Variants in ACSS1 observed in about 807,000 individuals in gnomAD.
The protein encoded by ACSS1 is acetyl-coenzyme A synthetase 2-like, mitochondrial.
ACSS1 carries 42 observed loss-of-function variants against 75.3 expected under a neutral mutation model. The observed-to-expected ratio is 0.56, with a 90% CI of 0.44 to 0.72. The LOEUF is 0.72. Among genes scored for constraint, ACSS1 ranks in the 30% least tolerant of loss-of-function variants. ACSS1 has a pLI of 0.00. For missense variants in ACSS1, 782 were observed against 935.7 expected, an observed-to-expected ratio of 0.84 and a Z score of 2.14; for synonymous variants, 380 against 376.8, an observed-to-expected ratio of 1.01 and a Z score of -0.10.
At chr20:25,036,636 T>C (rs1240553434) in intron 2 of ACSS1, among the ~76,000 whole-genome samples, 1 of 152,150 alleles carries the variant, frequency 6.6e-6, no homozygotes, top group African/African-American at 2.4e-5. Context: ...AAGTAAGTCC[T>C]GTGTGTGCTC....
Position 25,007,301 on chromosome 20 carries a change from T to A in ACSS1, c.*461A>T. 1 of 1,101,822 alleles carries A rather than the reference T, an allele frequency of 9.1e-7. No individual in the cohort carries two copies. The highest frequency in any genetic ancestry group is 1.1e-6 in the Non-Finnish European group (1 of 902,528). The allele number at this position is 1,101,822 out of a possible 1,614,324, so 68.3% of individuals were successfully genotyped here. On this transcript the variant is annotated 3_prime_UTR_variant, in exon 14 of 14. Transcript: ENST00000323482. ...TGTTCAAGTAAATCCACACACTACA[T>A]GTGAGTGTTGCATGCTGTTCTTCCA...
rs756423615 is a variant in ACSS1, at chr20:25,012,795, G to A, written c.1707+17C>T. On this transcript the variant is annotated intron_variant, in intron 11 of 13. Transcript: ENST00000323482. ...TGGAGGTGTAGGAGTGAAGGAGGAGGCCCAGCCTGTGCTCACGATGGCGTC... is the reference window on the plus strand; with the variant it reads ...TGGAGGTGTAGGAGTGAAGGAGGAGACCCAGCCTGTGCTCACGATGGCGTC... The A allele has an allele frequency of 1.9e-6, 3 of 1,613,870 alleles. No homozygotes were observed. Among genetic ancestry groups the A allele is most frequent in the Non-Finnish European group, 2.5e-6 (3 of 1,179,876 alleles).
At chr20:25,039,894 C>T (rs558352808) in intron 2 of ACSS1, among the ~76,000 whole-genome samples, 35 of 152,330 alleles carry the variant, frequency 2.3e-4, no homozygotes, top group Non-Finnish European at 3.2e-4. Flanking sequence ...CACATGACTG[C>T]GGGAACCAGG....
intron 2 of ACSS1, among the ~76,000 whole-genome samples, chr20:25,044,849 G>T (rs2089060283): frequency 6.6e-6 from 1 of 152,216 alleles, no homozygotes. Context: ...AATGGAGCTG[G>T]GACCCTGGAG....
chr20:25,016,598 T>C (rs1444351999), intron 7 of ACSS1, among the ~76,000 whole-genome samples: 2 of 152,226 alleles, frequency 1.3e-5, no homozygotes, highest in Admixed American at 6.5e-5. Flanking sequence ...CCCGCATCCA[T>C]GCTGCATGAT....
At position 25,057,857 on chromosome 20, in the gene ACSS1, C is replaced by T. The variant is rs748638350; in HGVS notation, c.246G>A (p.Val82=). 1 of 1,612,702 alleles carries T rather than the reference C, an allele frequency of 6.2e-7. No individual in the cohort carries two copies. The highest frequency in any genetic ancestry group is 1.7e-5 in the Admixed American group (1 of 59,972). ...FWGPLARDTL[V]WDTPYHTVWD... is the part of the protein sequence containing the mutation. ...AGACGGTGTGGTAGGGGGTGTCCCA[C>T]ACGAGAGTGTCCCGCGCCAGAGGCC... is the stretch of plus-strand genomic sequence containing the variant. Residue 82 remains valine (V), a synonymous_variant, in exon 1 of 14, where the codon GTG becomes GTA. Transcript: ENST00000323482.
At chr20:25,035,995 A>C (rs73346966) in intron 2 of ACSS1, among the ~76,000 whole-genome samples, 2,708 of 152,312 alleles carry the variant, frequency 0.018, 96 homozygotes, top group African/African-American at 0.062. Flanking sequence ...CAGTTGCAGG[A>C]AACAGTGGCT....
At chr20:25,024,651 C>T (rs1432286425) in intron 3 of ACSS1, among the ~76,000 whole-genome samples, 1 of 152,192 alleles carries the variant, frequency 6.6e-6, no homozygotes, top group East Asian at 1.9e-4. Context: ...GCATGTGTGC[C>T]ACATTCCCGT....
chr20:25,007,653 G>A lies in ACSS1; in HGVS notation c.*109C>T. 8 of 1,528,224 alleles carry A rather than the reference G, an allele frequency of 5.2e-6. No individual in the cohort carries two copies. The highest frequency in any genetic ancestry group is 7.0e-6 in the Non-Finnish European group (8 of 1,142,826). The allele number at this position is 1,528,224 out of a possible 1,614,324, so 94.7% of individuals were successfully genotyped here. A position where few individuals can be genotyped will look rare whatever the true frequency, so the allele number is the denominator to read the frequency against. Reference sequence around the variant, plus strand: ...GGCGGTGTGGGTCATGTGTGGGGTGGGGGCTGCTTCTGGGACGTAGGAAGA... The same window carrying A: ...GGCGGTGTGGGTCATGTGTGGGGTGAGGGCTGCTTCTGGGACGTAGGAAGA... On this transcript the variant is annotated 3_prime_UTR_variant, in exon 14 of 14. Transcript: ENST00000323482.
At chr20:25,030,618 G>C in intron 3 of ACSS1, 141 bp downstream of exon 3, 1 of 953,108 alleles carries the variant, frequency 1.0e-6, no homozygotes, top group Non-Finnish European at 1.5e-6. Flanking sequence ...TCGGCCATGT[G>C]CCTGTCCCTA....
chr20:25,043,289 C>T (rs952956792), intron 2 of ACSS1, among the ~76,000 whole-genome samples: 6 of 152,258 alleles, frequency 3.9e-5, no homozygotes, highest in African/African-American at 1.4e-4. Context: ...GGACCAGCCA[C>T]TTCTGTGACC....
intron 2 of ACSS1, among the ~76,000 whole-genome samples, chr20:25,037,680 T>G (rs993302381): frequency 2.0e-5 from 3 of 152,204 alleles, no homozygotes; most frequent in Non-Finnish European, 4.4e-5. Context: ...AGGAACATAT[T>G]CGTAGTAAGA....
Position 25,007,201 on chromosome 20 carries a change from G to A in ACSS1, c.*561C>T, listed in dbSNP as rs1018940405. 5 of 1,225,118 alleles carry A rather than the reference G, an allele frequency of 4.1e-6. No homozygotes were observed. The Admixed American group carries it at 1.9e-4, about 47-fold the overall frequency. The allele number at this position is 1,225,118 out of a possible 1,614,324, so 75.9% of individuals were successfully genotyped here. On this transcript the variant is annotated 3_prime_UTR_variant, in exon 14 of 14. Transcript: ENST00000323482. ...ATACACTAACAATAATTAAAAATGT[G>A]GCCTCTGATCCTCATGTTTCCTCAC...
At position 25,021,407 on chromosome 20, in the gene ACSS1, G is replaced by C; in HGVS notation, c.1090C>G (p.Pro364Ala). 1 of 1,614,142 alleles carries C rather than the reference G, an allele frequency of 6.2e-7. No individual in the cohort carries two copies. The change falls in exon 6 of 14, where the codon CCA becomes GCA. Residue 364 changes from proline (P) to alanine (A), a missense_variant. Pro to Ala is a conservative substitution (Grantham distance 27, BLOSUM62 -1). Coordinates refer to ENST00000323482, the MANE Select transcript of ACSS1 (RefSeq NM_032501.4). ...TCCTTACCAGCATTGGGATAAACTG[G>C]GGTGCTCTCAAAAAGGACGCTGGTG... ...GATSVLFEST[P>A]VYPNAGRYWE...
chr20:25,013,539 G>A lies in ACSS1; in HGVS notation c.1576C>T (p.Pro526Ser). The change falls in exon 10 of 14, where the codon CCA (proline) becomes TCA (serine). Residue 526 changes from proline (P) to serine (S), a missense_variant. Physicochemically the swap from Pro to Ser is moderately conservative, Grantham distance 74. Transcript: ENST00000323482. ...GGGTCCCTGACAGCCTGCTCACCTG[G>A]GTAGGCCTTGAAGTAGGCGTCCACA... ...RFVDAYFKAY[P>S]GYYFTGDGAY... is the part of the protein sequence containing the mutation. The A allele has an allele frequency of 6.3e-7, 1 of 1,596,494 alleles. No individual in the cohort carries two copies. The highest frequency in any genetic ancestry group is 2.3e-5 in the East Asian group (1 of 44,302).
At chr20:25,039,592 A>T (rs1023509318) in intron 2 of ACSS1, among the ~76,000 whole-genome samples, 2 of 152,112 alleles carry the variant, frequency 1.3e-5, no homozygotes, top group African/African-American at 4.8e-5. Flanking sequence ...TTCCTTCATC[A>T]TTCAGTGTTT....
chr20:25,006,963 A>C lies in ACSS1; in HGVS notation c.*799T>G. 1 of 1,535,224 alleles carries C rather than the reference A, an allele frequency of 6.5e-7. No homozygotes were observed. Among genetic ancestry groups the C allele is most frequent in the Non-Finnish European group, 8.7e-7 (1 of 1,146,616 alleles). ...ATCAAGAGGCATCTGGGGGCACAAA[A>C]ATCTTTCTGGATCACAGCTTGAAGA... On this transcript the variant is annotated 3_prime_UTR_variant, in exon 14 of 14. Transcript: ENST00000323482.
chr20:25,018,325 C>G lies in ACSS1; in HGVS notation c.1246+1685G>C, dbSNP rs190008921. ...AACACCTTGATGTGGACTTCCCAGC[C>G]TCCAGAAATGTGAACCAATAAATTT... is the stretch of plus-strand genomic sequence containing the variant. On this transcript the variant is annotated intron_variant, in intron 7 of 13. Coordinates refer to ENST00000323482, the MANE Select transcript of ACSS1 (RefSeq NM_032501.4). Among the ~76,000 whole-genome samples the G allele has an allele frequency of 2.5e-3, 380 of 152,350 alleles. 3 individuals carry two copies. The highest frequency in any genetic ancestry group is 5.4e-3 in the Admixed American group (82 of 15,312).
chr20:25,014,429 G>A (rs1482856805), intron 8 of ACSS1, among the ~76,000 whole-genome samples: 1 of 152,146 alleles, frequency 6.6e-6, no homozygotes, highest in Non-Finnish European at 1.5e-5. Flanking sequence ...ACCCAACAAC[G>A]AAAAAAGATG....
Sources: allele counts gnomAD v4.1 joint callset (sites outside exome capture counted in the v4.1 genomes callset), GRCh38; gene constraint gnomAD v4.1.1; transcripts MANE v1.5; gene names NCBI Gene and HGNC (gene_info 2026-07-23, HGNC 2026-07-21).